ZNF536: variants seen among roughly 807,000 people sequenced by gnomAD.
The protein encoded by ZNF536 is zinc finger protein 536.
A neutral mutation model predicts 84.5 loss-of-function variants in ZNF536; 13 were observed. The observed-to-expected ratio is 0.15, with a 90% CI of 0.10 to 0.24. The LOEUF is 0.24. Among genes scored for constraint, ZNF536 ranks in the 10% least tolerant of loss-of-function variants. ZNF536 has a pLI of 1.00. For missense variants in ZNF536, 1,536 were observed against 1,747.5 expected (o/e 0.88, Z 2.16); for synonymous variants, 811 against 742.5 (o/e 1.09, Z -1.50).
chr19:30,470,923 G>A (rs1048757555), intron 2 of ZNF536, among the ~76,000 whole-genome samples: 1 of 151,466 alleles, frequency 6.6e-6, no homozygotes, highest in Non-Finnish European at 1.5e-5. Flanking sequence ...CCTGACCTCA[G>A]ACAATCTGCC....
chr19:30,652,403 C>T (rs2049740418), intron 1 of ZNF536, among the ~76,000 whole-genome samples: 1 of 152,162 alleles, frequency 6.6e-6, no homozygotes, highest in African/African-American at 2.4e-5. Context: ...TGTATTTATG[C>T]TCAGACTGAC....
At chr19:30,402,796 A>AATATATATATAT (rs869301101) in intron 1 of ZNF536, among the ~76,000 whole-genome samples, 31 of 85,604 alleles carry the variant, frequency 3.6e-4, no homozygotes, top group Middle Eastern at 6.0e-3. Flanking sequence ...AAAATTAAAA[A>AATATATATATAT]ATATATATAT....
At chr19:30,430,206 A>G (rs927113496) in intron 1 of ZNF536, among the ~76,000 whole-genome samples, 3 of 152,234 alleles carry the variant, frequency 2.0e-5, no homozygotes, top group African/African-American at 7.2e-5. Context: ...TCCTCCCGGC[A>G]TCCCCGCTTT....
At chr19:30,231,175 G>A (rs2023009170) in intron 1 of ZNF536, among the ~76,000 whole-genome samples, 3 of 152,326 alleles carry the variant, frequency 2.0e-5, no homozygotes, top group African/African-American at 2.4e-5. Flanking sequence ...TTAAAAACAA[G>A]TGAGTTTTCT....
chr19:30,542,106 A>T (rs986516252), intron 3 of ZNF536, among the ~76,000 whole-genome samples: 1 of 152,216 alleles, frequency 6.6e-6, no homozygotes, highest in Non-Finnish European at 1.5e-5. Context: ...TTAGCAAAAA[A>T]AACAAAAACA....
Position 30,455,258 on chromosome 19 carries a change from C to T in ZNF536, c.2170+9526C>T, listed in dbSNP as rs956647212. On this transcript the variant is annotated intron_variant, in intron 2 of 4. Transcript: ENST00000355537. ...ATGCCTACCACCACTCAGGAATAAT[C>T]ACTGTGAACACTTTTTTTTTCACTA... Among the ~76,000 whole-genome samples, 6 of 152,208 alleles carry T rather than the reference C, an allele frequency of 3.9e-5. No homozygotes were observed. The East Asian group carries it at 1.2e-3, about 29-fold the overall frequency.
chr19:30,543,721 G>T (rs558820591), intron 3 of ZNF536, among the ~76,000 whole-genome samples: 10 of 152,250 alleles, frequency 6.6e-5, no homozygotes, highest in Non-Finnish European at 1.5e-4. Context: ...GAAATGTGCT[G>T]TTAGGCCTCT....
intron 2 of ZNF536, among the ~76,000 whole-genome samples, chr19:30,505,460 TATC>T (rs1224090455): frequency 1.3e-5 from 2 of 148,462 alleles, no homozygotes; most frequent in Admixed American, 6.8e-5. Flanking sequence ...TAATAAGATG[TATC>T]ATCAATAATC....
At chr19:30,402,335 A>G (rs1356291036) in intron 1 of ZNF536, among the ~76,000 whole-genome samples, 1 of 152,160 alleles carries the variant, frequency 6.6e-6, no homozygotes, top group Non-Finnish European at 1.5e-5. Context: ...AGGGGAAAAA[A>G]AAAGAGAAAA....
chr19:30,508,266 C>T (rs1195858543), intron 2 of ZNF536, among the ~76,000 whole-genome samples: 1 of 152,220 alleles, frequency 6.6e-6, no homozygotes, highest in African/African-American at 2.4e-5. Context: ...AGAAAGCCAC[C>T]ATCTAGGCAT....
chr19:30,688,017 T>TA (rs5827729), intron 1 of ZNF536, among the ~76,000 whole-genome samples: 6 of 136,474 alleles, frequency 4.4e-5, no homozygotes, highest in Admixed American at 7.1e-5. Flanking sequence ...TTATGACTGC[T>TA]AAAAAAAAAA....
At chr19:30,440,815 G>A (rs1174549890) in intron 1 of ZNF536, among the ~76,000 whole-genome samples, 2 of 151,772 alleles carry the variant, frequency 1.3e-5, no homozygotes, top group Non-Finnish European at 1.5e-5. Flanking sequence ...TCTATCCTCA[G>A]CTGAGGATCT....
chr19:30,423,656 A>T (rs748436946), intron 1 of ZNF536, among the ~76,000 whole-genome samples: 1 of 152,210 alleles, frequency 6.6e-6, no homozygotes, highest in Non-Finnish European at 1.5e-5. Flanking sequence ...TTCTGGAGTG[A>T]GATAACAGGC....
Position 30,548,198 on chromosome 19 carries a change from C to T in ZNF536, c.2579C>T (p.Thr860Ile), listed in dbSNP as rs1297841406. Reference protein sequence around the residue: ...FRGGPASQQWTSGVLSSGDHS... With the variant: ...FRGGPASQQWISGVLSSGDHS... ...GGAGGCCCTGCATCTCAGCAGTGGA[C>T]ATCAGGGGTTCTCTCCTCTGGAGAT... The change falls in exon 4 of 5, where the codon ACA (threonine) becomes ATA (isoleucine). Residue 860 changes from threonine to isoleucine, a missense_variant. This residue lies in a region of ZNF536 where 624 missense variants were observed against 603.1 expected (regional missense o/e 1.03). Transcript: ENST00000355537. The T allele has an allele frequency of 7.4e-6, 12 of 1,614,216 alleles. No individual in the cohort carries two copies. Among genetic ancestry groups the T allele is most frequent in the Non-Finnish European group, 8.5e-6 (10 of 1,180,046 alleles).
chr19:30,479,327 T>C (rs1228213586), intron 2 of ZNF536, among the ~76,000 whole-genome samples: 1 of 152,098 alleles, frequency 6.6e-6, no homozygotes, highest in Admixed American at 6.5e-5. Context: ...AGCAAGAGAC[T>C]CTTCTAAGAA....
At chr19:30,349,481 C>G (rs1480979716) in intron 2 of ZNF536, among the ~76,000 whole-genome samples, 1 of 152,186 alleles carries the variant, frequency 6.6e-6, no homozygotes, top group Non-Finnish European at 1.5e-5. Context: ...TCCAAGAAGC[C>G]AAGCTCAGGT....
In ZNF536 at chr19:30,557,882, A is replaced by G. The variant is rs1210273981; in HGVS notation, c.*718A>G. 1 of 152,632 alleles carries G rather than the reference A, an allele frequency of 6.6e-6. No individual in the cohort carries two copies. Among genetic ancestry groups the G allele is most frequent in the Non-Finnish European group, 1.5e-5 (1 of 68,030 alleles). The allele number at this position is 152,632 out of a possible 1,614,324, so 9.5% of individuals were successfully genotyped here. ...TATATTAAGGTGTTCCTGGTAATGA[A>G]GGCATGTAAGTTATAATAATTGTAG... On this transcript the variant is annotated 3_prime_UTR_variant, in exon 5 of 5. Transcript: ENST00000355537.
chr19:30,370,858 T>C (rs1384670316), upstream of ZNF536, among the ~76,000 whole-genome samples: 1 of 152,274 alleles, frequency 6.6e-6, no homozygotes, highest in African/African-American at 2.4e-5. Flanking sequence ...AATATTAGTT[T>C]GCAAAAACGT....
At chr19:30,331,878 G>A (rs8102617) in intron 2 of ZNF536, among the ~76,000 whole-genome samples, 38,759 of 151,918 alleles carry the variant, frequency 0.26, 5,243 homozygotes, top group East Asian at 0.4. Context: ...CACCCAGTGG[G>A]GAGATCATGG....
Sources: allele counts gnomAD v4.1 joint callset (sites outside exome capture counted in the v4.1 genomes callset), GRCh38; gene constraint gnomAD v4.1.1; regional missense constraint gnomAD v4.1.1; transcripts MANE v1.5; gene names NCBI Gene and HGNC (gene_info 2026-07-23, HGNC 2026-07-21).